The following LRRK1 variants were observed in gnomAD, a reference collection of about 807,000 sequenced individuals.
LRRK1 encodes the protein leucine rich repeat kinase 1.
A neutral mutation model predicts 209.1 loss-of-function variants in LRRK1; 113 were observed. The observed-to-expected ratio is 0.54, with a 90% CI of 0.46 to 0.63. LRRK1 has a LOEUF of 0.63. LRRK1 is among the 30% of genes least tolerant of loss of function. The probability of loss-of-function intolerance (pLI) is 0.00; values close to 1 mark genes in which losing one functional copy is unlikely to be tolerated. For synonymous variants in LRRK1, 1,144 were observed against 1,099.7 expected, an observed-to-expected ratio of 1.04 and a Z score of -0.80; for missense variants, 2,284 against 2,632.2, an observed-to-expected ratio of 0.87 and a Z score of 2.89.
At chr15:100,928,601 C>T (rs2042154590) in intron 2 of LRRK1, among the ~76,000 whole-genome samples, 3 of 152,186 alleles carry the variant, frequency 2.0e-5, no homozygotes, top group South Asian at 4.1e-4. Flanking sequence ...AAAACGACGA[C>T]GTTCTTATTA....
At chr15:100,956,459 T>TTCTTTTCTTTTCTTTTC (rs796435322) in intron 2 of LRRK1, among the ~76,000 whole-genome samples, 1 of 119,262 alleles carries the variant, frequency 8.4e-6, no homozygotes, top group African/African-American at 3.2e-5. Context: ...TTTTTTCTTT[T>TTCTTTTCTTTTCTTTTC]TTTTTTTTTT....
At chr15:100,968,797 C>T (rs1397925488) in intron 2 of LRRK1, among the ~76,000 whole-genome samples, 2 of 141,550 alleles carry the variant, frequency 1.4e-5, no homozygotes, top group Non-Finnish European at 3.1e-5. Flanking sequence ...CCTTCCCCTT[C>T]CCCTTCCCCT....
At chr15:101,007,788 A>AT (rs755492758) in intron 6 of LRRK1, among the ~76,000 whole-genome samples, 1 of 152,256 alleles carries the variant, frequency 6.6e-6, no homozygotes, top group South Asian at 2.1e-4. Context: ...AAATTAGAGA[A>AT]TCGGTCAGTT....
intron 2 of LRRK1, among the ~76,000 whole-genome samples, chr15:100,950,914 T>A (rs187597727): frequency 3.3e-5 from 5 of 152,020 alleles, no homozygotes; most frequent in Non-Finnish European, 5.9e-5. Flanking sequence ...CCATCCTGGC[T>A]AACACGGTGA....
intron 12 of LRRK1, among the ~76,000 whole-genome samples, chr15:101,018,426 C>G (rs938914160): frequency 2.6e-5 from 4 of 152,178 alleles, no homozygotes; most frequent in African/African-American, 9.7e-5. Context: ...ACCATCTTCT[C>G]CTTCATGCCA....
rs778033131 is a variant in LRRK1, at chr15:101,022,647, T to G, written c.2067+50T>G. 3.9e-5 allele frequency: 51 copies of G among 1,299,340 alleles called. No homozygotes were observed. Among genetic ancestry groups the G allele is most frequent in the Non-Finnish European group, 4.8e-5 (45 of 934,508 alleles). The allele number at this position is 1,299,340 out of a possible 1,614,324, so 80.5% of individuals were successfully genotyped here. ...TCCCTGTGGGTGGGAGGAACATCCC[T>G]TGGACTCCTTCTCCCTTCTCCCCAG... On this transcript the variant is annotated intron_variant, in intron 15 of 33. Transcript: ENST00000388948. The surrounding 1 kb of genome is among the most constrained non-coding windows in gnomAD (Gnocchi z 4.0).
At chr15:101,060,959 A>G (rs868701349) in intron 29 of LRRK1, among the ~76,000 whole-genome samples, 1 of 152,362 alleles carries the variant, frequency 6.6e-6, no homozygotes, top group South Asian at 2.1e-4. Context: ...GAAAGAGGAC[A>G]GCCTTTCTTC....
intron 2 of LRRK1, among the ~76,000 whole-genome samples, chr15:100,941,468 G>GTGTGTC (rs1476770415): frequency 1.6e-5 from 1 of 62,602 alleles, no homozygotes; most frequent in Non-Finnish European, 3.7e-5. Context: ...ATGTCTCTGT[G>GTGTGTC]TGTGTGTGTG....
chr15:100,926,601 G>GC (rs1289406098), intron 2 of LRRK1, among the ~76,000 whole-genome samples: 1 of 151,258 alleles, frequency 6.6e-6, no homozygotes, highest in South Asian at 2.1e-4. Context: ...CTTGGGGCAG[G>GC]GGGGCGGGGA....
chr15:101,063,766 G>T (rs1267244338), intron 31 of LRRK1, among the ~76,000 whole-genome samples: 1 of 151,160 alleles, frequency 6.6e-6, no homozygotes, highest in Non-Finnish European at 1.5e-5. Context: ...CTGGATGGTC[G>T]CAAAATACAT....
intron 2 of LRRK1, among the ~76,000 whole-genome samples, chr15:100,931,108 C>T (rs2042203962): frequency 6.6e-6 from 1 of 152,118 alleles, no homozygotes; most frequent in South Asian, 2.1e-4. Context: ...AAACACATAT[C>T]TCAAGCAATA....
At chr15:100,941,342 G>A (rs2042410144) in intron 2 of LRRK1, among the ~76,000 whole-genome samples, 1 of 147,134 alleles carries the variant, frequency 6.8e-6, no homozygotes, top group Admixed American at 6.7e-5. Context: ...GTCTCTGTGT[G>A]TGTCTTTGTG....
rs557195276 is a variant in LRRK1 at position 101,024,703 on chromosome 15, C to A, written c.2068-100C>A. The A allele has an allele frequency of 1.5e-6, 2 of 1,292,792 alleles. No individual in the cohort carries two copies. The highest frequency in any genetic ancestry group is 1.1e-6 in the Non-Finnish European group (1 of 930,418). The allele number at this position is 1,292,792 out of a possible 1,614,324, so 80.1% of individuals were successfully genotyped here. A position where few individuals can be genotyped will look rare whatever the true frequency, so the allele number is the denominator to read the frequency against. ...CTTTTCCACGGTTGTTTTTTCAGAC[C>A]CCCGAGTCCAGCCTCCAGAGTTATC... On this transcript the variant is annotated intron_variant, in intron 15 of 33. Transcript: ENST00000388948. The surrounding 1 kb of genome is among the most constrained non-coding windows in gnomAD (Gnocchi z 4.6).
chr15:101,008,747 C>G (rs998034837), intron 6 of LRRK1, 90 bp from the exon 7 acceptor site: 35 of 990,662 alleles, frequency 3.5e-5, no homozygotes, highest in East Asian at 5.0e-5. Context: ...CACACAGACG[C>G]GCATTTGCAT....
At chr15:100,941,633 G>C (rs941159237) in intron 2 of LRRK1, among the ~76,000 whole-genome samples, 2 of 152,146 alleles carry the variant, frequency 1.3e-5, no homozygotes, top group East Asian at 3.8e-4. Context: ...GATGCTGACT[G>C]TTCTGCTCGG....
At position 101,014,349 on chromosome 15, in the gene LRRK1, C is replaced by G. The variant is rs1251076782; in HGVS notation, c.1453C>G (p.Leu485Val). ...GTTCTTGAGGTTACAGGGGAACCAG[C>G]TGGCGGCACTTCCACCTCAAGAGAA... is the stretch of plus-strand genomic sequence containing the variant. Reference protein sequence around the residue: ...LMFLRLQGNQLAALPPQEKWT... With the variant: ...LMFLRLQGNQVAALPPQEKWT... Residue 485 changes from leucine to valine, a missense_variant, in exon 11 of 34, where the codon CTG becomes GTG. Physicochemically the swap from Leu to Val is conservative, Grantham distance 32. Transcript: ENST00000388948. 6.2e-7 allele frequency: 1 copy of G among 1,613,962 alleles called. No homozygotes were observed. Among genetic ancestry groups the G allele is most frequent in the South Asian group, 1.1e-5 (1 of 91,046 alleles).
chr15:101,026,329 C>G (rs2034031389), intron 17 of LRRK1, among the ~76,000 whole-genome samples, 192 bp downstream of exon 17: 1 of 152,204 alleles, frequency 6.6e-6, no homozygotes, highest in Non-Finnish European at 1.5e-5. Flanking sequence ...CTGGTTGAGG[C>G]CTGGAGGTGC....
chr15:100,942,511 A>C (rs939788367), intron 2 of LRRK1, among the ~76,000 whole-genome samples: 1 of 152,226 alleles, frequency 6.6e-6, no homozygotes, highest in African/African-American at 2.4e-5. Context: ...CATGGCTCAC[A>C]GTTATGGAAG....
At chr15:101,036,813 C>T (rs2034510972) in intron 20 of LRRK1, among the ~76,000 whole-genome samples, 1 of 152,228 alleles carries the variant, frequency 6.6e-6, no homozygotes, top group Non-Finnish European at 1.5e-5. Flanking sequence ...TTCAGTAGGG[C>T]ACTTTGGCTT....
Sources: gnomAD v4.1 joint callset for allele counts (sites outside exome capture counted in the v4.1 genomes callset) on GRCh38, gnomAD v4.1.1 for gene constraint, Gnocchi (gnomAD v3.1) non-coding constraint, MANE v1.5 for transcripts, NCBI Gene and HGNC (gene_info 2026-07-23, HGNC 2026-07-21) for gene names.